NEGR1: variants seen among roughly 807,000 people sequenced by gnomAD.
NEGR1 encodes the protein IgLON family member 4.
In NEGR1, 10 loss-of-function variants were observed where a neutral mutation model predicts 40.9. That is an observed-to-expected ratio of 0.24 (90% CI 0.15 to 0.42). The LOEUF (loss-of-function observed/expected upper bound fraction) is 0.42, where lower values mean the gene tolerates loss of function less well. Among genes scored for constraint, NEGR1 ranks in the 10% least tolerant of loss-of-function variants. NEGR1 has a pLI of 1.00. For synonymous variants in NEGR1, 185 were observed against 166.8 expected (o/e 1.11, Z -0.84); for missense variants, 352 against 438.9 (o/e 0.80, Z 1.77).
In NEGR1 at chr1:72,244,205, A is replaced by T. The variant is rs17092500; in HGVS notation, c.176+38114T>A. Among the ~76,000 whole-genome samples, 23 of 151,906 alleles carry T rather than the reference A, an allele frequency of 1.5e-4. No individual in the cohort carries two copies. In the East Asian group the frequency reaches 2.3e-3, roughly 15 times the overall value. ...TATTACTGGATCTAGGCTGCTATTA[A>T]TGCCTTAGCTTTTTATTTATTAATT... On this transcript the variant is annotated intron_variant, in intron 1 of 6. Transcript: ENST00000357731.
chr1:72,006,969 G>A (rs12035363), intron 1 of NEGR1, among the ~76,000 whole-genome samples: 25,900 of 152,076 alleles, frequency 0.17, 2,880 homozygotes, highest in East Asian at 0.44. Flanking sequence ...GGTTGTTTTT[G>A]TATGTTTTAA....
intron 2 of NEGR1, among the ~76,000 whole-genome samples, chr1:71,909,123 T>C (rs1028901088): frequency 3.9e-5 from 6 of 152,268 alleles, no homozygotes; most frequent in Middle Eastern, 3.4e-3. Context: ...TTCAAAACAA[T>C]TAAGTATTTG....
intron 2 of NEGR1, chr1:71,798,165 C>T (rs1421516882): frequency 6.6e-6 from 1 of 151,920 alleles, no homozygotes; most frequent in Non-Finnish European, 1.5e-5. Flanking sequence ...CCCCCTGAAG[C>T]TATGACTGGC....
intron 2 of NEGR1, among the ~76,000 whole-genome samples, chr1:71,930,020 C>G (rs958179080): frequency 6.6e-6 from 1 of 152,020 alleles, no homozygotes; most frequent in African/African-American, 2.4e-5. Flanking sequence ...TATTCAACGA[C>G]TAATTGGGAG....
chr1:72,041,533 G>T, intron 1 of NEGR1, among the ~76,000 whole-genome samples: 1 of 150,154 alleles, frequency 6.7e-6, no homozygotes. Flanking sequence ...TAAACAGTGG[G>T]TTAACAACTG....
chr1:71,832,829 G>C (rs1257711174), intron 2 of NEGR1, among the ~76,000 whole-genome samples: 1 of 152,022 alleles, frequency 6.6e-6, no homozygotes, highest in African/African-American at 2.4e-5. Context: ...ATTTCAAACA[G>C]GGAAGCCTGT....
chr1:72,136,254 C>T (rs1484916007), intron 1 of NEGR1, among the ~76,000 whole-genome samples: 2 of 151,688 alleles, frequency 1.3e-5, no homozygotes, highest in Admixed American at 6.6e-5. Context: ...TTCAGATGTC[C>T]AATAAGTGAA....
At chr1:71,772,965 G>A (rs1656379354) in intron 3 of NEGR1, among the ~76,000 whole-genome samples, 1 of 152,074 alleles carries the variant, frequency 6.6e-6, no homozygotes, top group Non-Finnish European at 1.5e-5. Context: ...ACAGAAAAAA[G>A]AAATAATCAT....
intron 2 of NEGR1, among the ~76,000 whole-genome samples, chr1:71,868,459 ATAGATAGACAGAATACATAC>A (rs1367231482): frequency 2.1e-5 from 3 of 139,922 alleles, no homozygotes; most frequent in East Asian, 2.3e-4. Flanking sequence ...AGATAGATAG[ATAGATAGACAGAATACATAC>A]ATACATACAT....
intron 1 of NEGR1, among the ~76,000 whole-genome samples, chr1:72,051,718 CT>C (rs1020062394): frequency 6.6e-6 from 1 of 151,328 alleles, no homozygotes; most frequent in African/African-American, 2.4e-5. Flanking sequence ...AAGAAAGGAG[CT>C]CCCCACAAGA....
chr1:71,749,293 T>C (rs959676698), intron 3 of NEGR1, among the ~76,000 whole-genome samples: 2 of 152,174 alleles, frequency 1.3e-5, no homozygotes, highest in African/African-American at 2.4e-5. Context: ...ATTATCTCCA[T>C]GTAAAAATAC....
intron 2 of NEGR1, among the ~76,000 whole-genome samples, chr1:71,840,049 C>G (rs1020975466): frequency 6.6e-6 from 1 of 152,020 alleles, no homozygotes; most frequent in Non-Finnish European, 1.5e-5. Context: ...CCATTTTTAT[C>G]AAATGTGATT....
chr1:71,657,152 ACAG>A (rs1489645726), intron 4 of NEGR1, among the ~76,000 whole-genome samples: 1 of 152,218 alleles, frequency 6.6e-6, no homozygotes, highest in East Asian at 1.9e-4. Context: ...ACAGTGAATC[ACAG>A]TAGTATAAAG....
At chr1:71,683,632 T>A (rs1389535538) in intron 4 of NEGR1, among the ~76,000 whole-genome samples, 2 of 152,088 alleles carry the variant, frequency 1.3e-5, no homozygotes, top group Non-Finnish European at 2.9e-5. Flanking sequence ...TTGATAGCAT[T>A]CTTTCATTTT....
intron 2 of NEGR1, among the ~76,000 whole-genome samples, chr1:71,858,618 A>C (rs1391546748): frequency 1.3e-5 from 2 of 152,120 alleles, no homozygotes; most frequent in Non-Finnish European, 2.9e-5. Flanking sequence ...TCTCAATGGG[A>C]CATCAAATGC....
At chr1:71,804,963 G>A (rs1657700544) in intron 2 of NEGR1, among the ~76,000 whole-genome samples, 1 of 152,118 alleles carries the variant, frequency 6.6e-6, no homozygotes, top group African/African-American at 2.4e-5. Context: ...TCTCAGCAAG[G>A]AACATCCCTG....
chr1:72,152,524 T>C (rs1651163312), intron 1 of NEGR1, among the ~76,000 whole-genome samples: 1 of 152,038 alleles, frequency 6.6e-6, no homozygotes, highest in Non-Finnish European at 1.5e-5. Flanking sequence ...TTATAGACTG[T>C]TGTTGCAAAT....
intron 2 of NEGR1, among the ~76,000 whole-genome samples, chr1:71,777,726 T>C (rs900492008): frequency 1.3e-5 from 2 of 152,072 alleles, no homozygotes; most frequent in African/African-American, 4.8e-5. Context: ...CTTTGAATTT[T>C]TTTTGACAAC....
At chr1:72,057,288 G>A (rs11209899) in intron 1 of NEGR1, among the ~76,000 whole-genome samples, 57,926 of 151,210 alleles carry the variant, frequency 0.38, 12,046 homozygotes, top group East Asian at 0.59. Context: ...TTATTGGAGT[G>A]CATTTAAATC....
Sources: gnomAD v4.1 joint callset for allele counts (sites outside exome capture counted in the v4.1 genomes callset) on GRCh38, gnomAD v4.1.1 for gene constraint, MANE v1.5 for transcripts, NCBI Gene and HGNC (gene_info 2026-07-23, HGNC 2026-07-21) for gene names.